LRGUK: variants seen among roughly 807,000 people sequenced by gnomAD.
LRGUK encodes leucine-rich repeat and guanylate kinase domain-containing protein.
A neutral mutation model predicts 76.0 loss-of-function variants in LRGUK; 65 were observed. The ratio of observed to expected loss-of-function variants is 0.85; its 90% CI spans 0.70 to 1.05. The LOEUF (loss-of-function observed/expected upper bound fraction) is 1.05. LRGUK is among the 50% of genes least tolerant of loss of function. The pLI, the probability that LRGUK is intolerant of heterozygous loss-of-function variation, is 0.00. For synonymous variants in LRGUK, 268 were observed against 265.6 expected (o/e 1.01, Z -0.09); for missense variants, 758 against 732.8 (o/e 1.03, Z -0.40).
At chr7:134,141,942 G>A (rs1797783030) in intron 3 of LRGUK, among the ~76,000 whole-genome samples, 1 of 152,144 alleles carries the variant, frequency 6.6e-6, no homozygotes, top group Non-Finnish European at 1.5e-5. Flanking sequence ...ATAGAAATTG[G>A]GGGGAATTTT....
intron 16 of LRGUK, among the ~76,000 whole-genome samples, chr7:134,229,467 G>A (rs936127069): frequency 6.6e-6 from 1 of 151,630 alleles, no homozygotes; most frequent in African/African-American, 2.4e-5. Context: ...TTAATAAAAG[G>A]TGTATAATGC....
intron 4 of LRGUK, among the ~76,000 whole-genome samples, chr7:134,147,310 C>T (rs1798015131): frequency 6.6e-6 from 1 of 151,834 alleles, no homozygotes; most frequent in South Asian, 2.1e-4. Flanking sequence ...TGGCACACGT[C>T]TATAGTCCCA....
rs1450987889 is a variant in LRGUK, at chr7:134,201,347, G to C, written c.1748-134G>C. The C allele has an allele frequency of 4.5e-6, 3 of 665,996 alleles. No homozygotes were observed. The Admixed American group carries it at 7.7e-5, about 17-fold the overall frequency. The allele number at this position is 665,996 out of a possible 1,614,324, so 41.3% of individuals were successfully genotyped here. ...TTATACAAAGGTGATGTGTCCTTAG[G>C]GTCATCTTAGAATTCTGCCTACCAT... is the stretch of plus-strand genomic sequence containing the variant. On this transcript the variant is annotated intron_variant, in intron 14 of 15. Transcript: ENST00000645682.
chr7:134,198,297 ACT>A (rs1800599714), intron 13 of LRGUK, among the ~76,000 whole-genome samples: 2 of 151,758 alleles, frequency 1.3e-5, no homozygotes, highest in Non-Finnish European at 2.9e-5. Context: ...GAGTCCAGAA[ACT>A]CTCCATCTTT....
chr7:134,228,014 T>G (rs959942766), intron 16 of LRGUK, among the ~76,000 whole-genome samples: 5 of 152,120 alleles, frequency 3.3e-5, no homozygotes, highest in Non-Finnish European at 7.4e-5. Context: ...AAGCCATAGA[T>G]TAAATAAATC....
chr7:134,214,054 G>A (rs1801366871), downstream of LRGUK, among the ~76,000 whole-genome samples: 1 of 152,216 alleles, frequency 6.6e-6, no homozygotes, highest in Non-Finnish European at 1.5e-5. Flanking sequence ...CACTTGGCAT[G>A]AAAGCCTTCC....
At chr7:134,149,494 T>A (rs1169456113) in intron 5 of LRGUK, among the ~76,000 whole-genome samples, 1 of 152,164 alleles carries the variant, frequency 6.6e-6, no homozygotes, top group Non-Finnish European at 1.5e-5. Context: ...TGAAGATGTA[T>A]CTTGTAAAAG....
At chr7:134,194,332 TA>T (rs1004762698) in intron 12 of LRGUK, among the ~76,000 whole-genome samples, 12 of 151,908 alleles carry the variant, frequency 7.9e-5, no homozygotes, top group African/African-American at 2.9e-4. Flanking sequence ...ACATAAACAA[TA>T]AAAAAAACTT....
intron 7 of LRGUK, among the ~76,000 whole-genome samples, chr7:134,173,225 G>A (rs183854676): frequency 7.9e-5 from 12 of 152,328 alleles, no homozygotes; most frequent in Middle Eastern, 3.4e-3. Flanking sequence ...TGTTCAGGTT[G>A]TAGATTGCAA....
intron 10 of LRGUK, among the ~76,000 whole-genome samples, chr7:134,182,512 A>G (rs891007974): frequency 1.1e-4 from 16 of 152,020 alleles, no homozygotes; most frequent in African/African-American, 3.9e-4. Context: ...TCATGTACTT[A>G]TATGTGTTTC....
chr7:134,194,788 G>A (rs1163598983), intron 12 of LRGUK, among the ~76,000 whole-genome samples: 1 of 152,170 alleles, frequency 6.6e-6, no homozygotes, highest in African/African-American at 2.4e-5. Flanking sequence ...ATGGGTTATA[G>A]GGACTGGCAA....
At chr7:134,173,149 A>G (rs138750221) in intron 7 of LRGUK, among the ~76,000 whole-genome samples, 10 of 152,230 alleles carry the variant, frequency 6.6e-5, no homozygotes, top group Admixed American at 2.0e-4. Context: ...AGACTGATGG[A>G]CAGTTTAGTC....
rs183091921 is a variant in LRGUK at position 134,260,485 on chromosome 7, A to C, written c.2347+2080A>C. The stretch of plus-strand genomic sequence containing the variant: ...AGCTACCTCTCCAAAGCTGCAGACT[A>C]GCTCAGCGCTGCAGAGGACTAATTA... On this transcript the variant is annotated intron_variant, in intron 19 of 19. Coordinates refer to the LRGUK transcript ENST00000285928. Among the ~76,000 whole-genome samples the C allele has an allele frequency of 1.1e-4, 16 of 152,274 alleles. No individual in the cohort carries two copies. In the East Asian group the frequency reaches 3.1e-3, roughly 29 times the overall value.
intron 16 of LRGUK, among the ~76,000 whole-genome samples, chr7:134,232,361 CT>C (rs1801922325): frequency 6.6e-6 from 1 of 152,136 alleles, no homozygotes; most frequent in Non-Finnish European, 1.5e-5. Context: ...TCACTGCAAC[CT>C]CTGCCTCCTG....
At chr7:134,264,216 G>T in exon 20 of LRGUK, 2 of 364,314 alleles carry the variant, frequency 5.5e-6, no homozygotes, top group Non-Finnish European at 4.8e-6. Flanking sequence ...TTTTTAATGT[G>T]AGTTATTCTT....
At chr7:134,270,931 C>G in the LRGUK span, among the ~76,000 whole-genome samples, 1 of 152,012 alleles carries the variant, frequency 6.6e-6, no homozygotes, top group Non-Finnish European at 1.5e-5. Flanking sequence ...CTCTCACCAA[C>G]ACGTAAGAGG....
the LRGUK span, among the ~76,000 whole-genome samples, chr7:134,269,721 G>C: frequency 6.6e-6 from 1 of 152,076 alleles, no homozygotes; most frequent in African/African-American, 2.4e-5. Flanking sequence ...TATTTCTTGA[G>C]CAAATAAAAT....
intron 16 of LRGUK, among the ~76,000 whole-genome samples, chr7:134,224,254 C>T (rs1338988022): frequency 6.6e-6 from 1 of 152,100 alleles, no homozygotes; most frequent in Non-Finnish European, 1.5e-5. Context: ...AAGACTGCAC[C>T]CTGACAATCA....
intron 17 of LRGUK, 78 bp downstream of exon 17, chr7:134,247,722 C>A: frequency 8.8e-7 from 1 of 1,133,756 alleles, no homozygotes; most frequent in Non-Finnish European, 1.3e-6. Context: ...AAATCGTGAA[C>A]ATAAACAGAG....
Sources: allele counts gnomAD v4.1 joint callset (sites outside exome capture counted in the v4.1 genomes callset), GRCh38; gene constraint gnomAD v4.1.1; transcripts MANE v1.5; gene names NCBI Gene and HGNC (gene_info 2026-07-23, HGNC 2026-07-21).